The following PLS1 variants were observed in gnomAD, a reference collection of about 807,000 sequenced individuals.
PLS1 encodes the protein plastin-1.
In PLS1, 32 loss-of-function variants were observed where a neutral mutation model predicts 73.7. The observed-to-expected ratio is 0.43, with a 90% confidence interval of 0.33 to 0.58. The LOEUF is 0.58. PLS1 is among the 20% of genes least tolerant of loss of function. PLS1 has a pLI of 0.04. For missense variants in PLS1, 633 were observed against 740.5 expected (o/e 0.85, Z 1.68); for synonymous variants, 217 against 261.3 (o/e 0.83, Z 1.63).
intron 1 of PLS1, among the ~76,000 whole-genome samples, chr3:142,624,862 G>A (rs2036388746): frequency 6.6e-6 from 1 of 152,140 alleles, no homozygotes; most frequent in East Asian, 1.9e-4. Flanking sequence ...TATTATACCT[G>A]GAGTCCAACA....
chr3:142,680,619 C>T (rs1486529918), intron 6 of PLS1, among the ~76,000 whole-genome samples: 2 of 152,128 alleles, frequency 1.3e-5, no homozygotes, highest in South Asian at 4.1e-4. Context: ...TAGTTGGCTC[C>T]TCCATACAGA....
intron 1 of PLS1, among the ~76,000 whole-genome samples, chr3:142,644,287 G>A (rs187657659): frequency 1.3e-5 from 2 of 151,958 alleles, no homozygotes; most frequent in East Asian, 3.9e-4. Context: ...GTCTCACTCT[G>A]TCGCCCAAGC....
At chr3:142,624,766 A>G (rs2036386004) in intron 1 of PLS1, among the ~76,000 whole-genome samples, 1 of 152,194 alleles carries the variant, frequency 6.6e-6, no homozygotes, top group African/African-American at 2.4e-5. Flanking sequence ...TGACCAATTA[A>G]CCATGGAAAG....
intron 1 of PLS1, among the ~76,000 whole-genome samples, chr3:142,629,286 T>G (rs2036501124): frequency 6.6e-6 from 1 of 151,766 alleles, no homozygotes; most frequent in African/African-American, 2.4e-5. Context: ...AACTTCTGCC[T>G]CCTAGGTTCA....
intron 14 of PLS1, among the ~76,000 whole-genome samples, chr3:142,707,717 G>T (rs2038492362): frequency 6.6e-6 from 1 of 152,134 alleles, no homozygotes; most frequent in Non-Finnish European, 1.5e-5. Context: ...CTTGCTAGTC[G>T]CTGTGGCTAC....
In PLS1 at chr3:142,601,211, C is replaced by T. The variant is rs531571373; in HGVS notation, c.-37+4702C>T. Among the ~76,000 whole-genome samples the T allele has an allele frequency of 3.0e-4, 45 of 151,470 alleles. No individual in the cohort carries two copies. The East Asian group carries it at 8.2e-3, about 28-fold the overall frequency. ...AAGTGCTGGGATTACAAGCATGAGC[C>T]ACCGCGCCCGGCCTATATTTTTTAT... On this transcript the variant is annotated intron_variant, in intron 1 of 15. Coordinates refer to ENST00000457734, the MANE Select transcript of PLS1 (RefSeq NM_001145319.2).
chr3:142,630,596 C>T (rs1318532117), intron 1 of PLS1, among the ~76,000 whole-genome samples: 2 of 151,664 alleles, frequency 1.3e-5, no homozygotes, highest in African/African-American at 4.8e-5. Flanking sequence ...ACTAAAATTA[C>T]AAAAATTAGC....
intron 12 of PLS1, among the ~76,000 whole-genome samples, chr3:142,701,630 C>T (rs1308305615): frequency 2.0e-5 from 3 of 152,146 alleles, no homozygotes; most frequent in African/African-American, 7.2e-5. Context: ...AGAATATATG[C>T]TTTCCCTTAT....
At chr3:142,684,521 A>G in intron 8 of PLS1, 126 bp downstream of exon 8, 1 of 739,750 alleles carries the variant, frequency 1.4e-6, no homozygotes. Flanking sequence ...GAAAATTTGC[A>G]TTACTGTGTG....
intron 1 of PLS1, among the ~76,000 whole-genome samples, chr3:142,628,226 G>C (rs1318522944): frequency 6.6e-6 from 1 of 152,122 alleles, no homozygotes; most frequent in Non-Finnish European, 1.5e-5. Flanking sequence ...AATACTACCA[G>C]CTTTGACACT....
intron 1 of PLS1, among the ~76,000 whole-genome samples, chr3:142,620,451 G>A (rs1425119915): frequency 6.6e-6 from 1 of 152,088 alleles, no homozygotes; most frequent in African/African-American, 2.4e-5. Context: ...TTTTTAAGAT[G>A]CAGAAAGATA....
chr3:142,703,019 G>A (rs1577911890), intron 12 of PLS1, among the ~76,000 whole-genome samples: 1 of 152,168 alleles, frequency 6.6e-6, no homozygotes, highest in East Asian at 1.9e-4. Flanking sequence ...TCAAGCAAAG[G>A]ATAGATCATT....
intron 1 of PLS1, among the ~76,000 whole-genome samples, chr3:142,641,072 A>C (rs1204888837): frequency 1.3e-5 from 2 of 151,002 alleles, no homozygotes; most frequent in Admixed American, 6.6e-5. Context: ...AGGTGGGAGA[A>C]TGGCTTGAGC....
At chr3:142,641,790 G>A (rs955549325) in intron 1 of PLS1, among the ~76,000 whole-genome samples, 2 of 152,098 alleles carry the variant, frequency 1.3e-5, no homozygotes, top group Non-Finnish European at 2.9e-5. Context: ...GAGATGGTGT[G>A]AATTCAGGCT....
At chr3:142,701,090 C>G (rs887937187) in intron 12 of PLS1, among the ~76,000 whole-genome samples, 9 of 152,300 alleles carry the variant, frequency 5.9e-5, no homozygotes, top group African/African-American at 2.2e-4. Context: ...CAGACTAATA[C>G]AGTAATCATT....
intron 1 of PLS1, among the ~76,000 whole-genome samples, chr3:142,635,392 A>G (rs2036657196): frequency 6.6e-6 from 1 of 151,240 alleles, no homozygotes; most frequent in Non-Finnish European, 1.5e-5. Flanking sequence ...AAAAGTAGAG[A>G]TTCACTGGCT....
intron 1 of PLS1, among the ~76,000 whole-genome samples, chr3:142,629,709 T>C (rs919535193): frequency 1.3e-5 from 2 of 152,164 alleles, no homozygotes; most frequent in African/African-American, 2.4e-5. Context: ...GTACAGCTTA[T>C]TGGGTACTCA....
intron 1 of PLS1, among the ~76,000 whole-genome samples, chr3:142,614,745 A>G (rs1247934989): frequency 6.6e-6 from 1 of 152,124 alleles, no homozygotes; most frequent in African/African-American, 2.4e-5. Flanking sequence ...CTTCAGGAGT[A>G]TGGCGGCTAT....
rs1455906812 is a variant in PLS1, at chr3:142,698,075, A to G, written c.1371+8A>G. The G allele has an allele frequency of 2.2e-6, 3 of 1,385,512 alleles. No homozygotes were observed. The highest frequency in any genetic ancestry group is 3.1e-6 in the Non-Finnish European group (3 of 971,370). 85.8% of individuals were successfully genotyped at this position (1,385,512 alleles called of 1,614,324 possible). ...GGAGGGAACATGAAGAAGGTGAATG[A>G]AATAATGGCCATGGATATATTGTTA... On this transcript the variant is annotated splice_region_variant and intron_variant, in intron 12 of 15. Coordinates refer to ENST00000457734, the MANE Select transcript of PLS1 (RefSeq NM_001145319.2).
Sources: gnomAD v4.1 joint callset for allele counts (sites outside exome capture counted in the v4.1 genomes callset) on GRCh38, gnomAD v4.1.1 for gene constraint, MANE v1.5 for transcripts, NCBI Gene and HGNC (gene_info 2026-07-23, HGNC 2026-07-21) for gene names.